The following SUMF1 variants were observed in gnomAD, a reference collection of about 807,000 sequenced individuals.
SUMF1 encodes formylglycine-generating enzyme.
Under a neutral mutation model 47.6 loss-of-function variants are expected in SUMF1, and 48 were observed. The observed-to-expected ratio is 1.01, with a 90% CI of 0.80 to 1.28. The LOEUF (loss-of-function observed/expected upper bound fraction) is 1.28, where lower values mean the gene tolerates loss of function less well. Ranked by LOEUF, SUMF1 falls within the 50% of genes most tolerant of loss-of-function variation. The probability of loss-of-function intolerance (pLI) is 0.00; values close to 1 mark genes in which losing one functional copy is unlikely to be tolerated. For missense variants in SUMF1, 571 were observed against 485.4 expected (o/e 1.18, Z -1.66); for synonymous variants, 230 against 192.1 (o/e 1.20, Z -1.63).
rs951227736 is a variant in SUMF1, at chr3:4,147,913, G to T, written c.1015-79168C>A. Among the ~76,000 whole-genome samples, 3 of 152,114 alleles carry T rather than the reference G, an allele frequency of 2.0e-5. No individual in the cohort carries two copies. The South Asian group carries it at 6.2e-4, about 32-fold the overall frequency. ...AAATATGATGGCTCAGCAGGAATCA[G>T]CTAATGACCCTTTTTTTTCCACCTG... On this transcript the variant is annotated intron_variant and NMD_transcript_variant, in intron 8 of 12. Coordinates refer to the SUMF1 transcript ENST00000448413.
At chr3:4,335,072 A>C (rs1699118460) in intron 8 of SUMF1, among the ~76,000 whole-genome samples, 1 of 152,172 alleles carries the variant, frequency 6.6e-6, no homozygotes, top group Non-Finnish European at 1.5e-5. Context: ...GTCTTTCGGC[A>C]GCTGCAGGGA....
In SUMF1 at chr3:4,224,796, G is replaced by A. The variant is rs1696138379; in HGVS notation, c.1014+151534C>T. Reference sequence around the variant, plus strand: ...AGATGTAAAACCTGAGATAAGAGAGGAAAATGAAAACAATCAGACAAGCAG... The same window carrying A: ...AGATGTAAAACCTGAGATAAGAGAGAAAAATGAAAACAATCAGACAAGCAG... On this transcript the variant is annotated intron_variant and NMD_transcript_variant, in intron 8 of 12. Transcript: ENST00000448413. Among the ~76,000 whole-genome samples, 3 of 152,014 alleles carry A rather than the reference G, an allele frequency of 2.0e-5. No homozygotes were observed. In the South Asian group the frequency reaches 6.2e-4, roughly 31 times the overall value.
At chr3:4,257,678 C>T (rs1377096292) in intron 8 of SUMF1, among the ~76,000 whole-genome samples, 1 of 149,836 alleles carries the variant, frequency 6.7e-6, no homozygotes, top group African/African-American at 2.4e-5. Context: ...TGAAAATGGC[C>T]ATACTGCCCA....
At chr3:4,261,451 G>C (rs1287274269) in intron 8 of SUMF1, among the ~76,000 whole-genome samples, 1 of 152,128 alleles carries the variant, frequency 6.6e-6, no homozygotes, top group Non-Finnish European at 1.5e-5. Flanking sequence ...GTCTAACTGG[G>C]AACTGAATTT....
At chr3:4,460,625 A>T (rs62231421) in intron 1 of SUMF1, among the ~76,000 whole-genome samples, 219 of 128,536 alleles carry the variant, frequency 1.7e-3, no homozygotes, top group Admixed American at 4.9e-3. Context: ...TGTGTGTGTG[A>T]GAGTGTGTGT....
rs572104733 is a variant in SUMF1 at position 4,090,285 on chromosome 3, C to T, written c.1015-21540G>A. ...CTATCTGTGTGGAGCTGACACATTC[C>T]CCCATGTCTGCATGGGTTTTCTCTA... On this transcript the variant is annotated intron_variant and NMD_transcript_variant, in intron 8 of 12. Coordinates refer to the SUMF1 transcript ENST00000448413. Among the ~76,000 whole-genome samples the T allele has an allele frequency of 5.3e-4, 80 of 152,158 alleles. 1 individual carries two copies. The highest frequency in any genetic ancestry group is 1.9e-3 in the African/African-American group (79 of 41,506).
chr3:4,098,115 C>A (rs1692947580), intron 8 of SUMF1, among the ~76,000 whole-genome samples: 1 of 152,104 alleles, frequency 6.6e-6, no homozygotes, highest in Admixed American at 6.6e-5. Context: ...AAAATTGCCT[C>A]ATACTGCTTT....
At chr3:4,161,628 T>C (rs1694579699) in intron 8 of SUMF1, among the ~76,000 whole-genome samples, 1 of 151,872 alleles carries the variant, frequency 6.6e-6, no homozygotes, top group African/African-American at 2.4e-5. Context: ...AATGTTCACT[T>C]AGGGCCCAAC....
intron 1 of SUMF1, among the ~76,000 whole-genome samples, chr3:4,456,648 A>ATG (rs1315366535): frequency 0.015 from 2,085 of 143,554 alleles, 69 homozygotes; most frequent in African/African-American, 0.051. Context: ...GTATATATAT[A>ATG]TATGTGTGTG....
intron 8 of SUMF1, among the ~76,000 whole-genome samples, chr3:4,167,217 G>T (rs1018957061): frequency 3.9e-5 from 6 of 152,096 alleles, no homozygotes; most frequent in Non-Finnish European, 8.8e-5. Flanking sequence ...GATTTATTGT[G>T]AAGAGCGAAA....
chr3:4,192,546 G>T (rs1253425030), intron 8 of SUMF1, among the ~76,000 whole-genome samples: 1 of 151,910 alleles, frequency 6.6e-6, no homozygotes, highest in Non-Finnish European at 1.5e-5. Context: ...ACATACTATT[G>T]TATAATAAAG....
intron 6 of SUMF1, 33 bp downstream of exon 6, chr3:4,417,095 C>T: frequency 1.2e-6 from 2 of 1,601,692 alleles, no homozygotes; most frequent in Non-Finnish European, 1.7e-6. Flanking sequence ...TTCTCAGCAG[C>T]TGCCACCCTC....
At chr3:4,156,762 C>T (rs765013406) in intron 8 of SUMF1, among the ~76,000 whole-genome samples, 2 of 151,638 alleles carry the variant, frequency 1.3e-5, no homozygotes, top group African/African-American at 2.4e-5. Context: ...ATCTATTGCC[C>T]TAATTGCTAG....
chr3:4,146,871 A>C (rs1264611637), intron 8 of SUMF1, among the ~76,000 whole-genome samples: 4 of 152,214 alleles, frequency 2.6e-5, no homozygotes, highest in South Asian at 2.1e-4. Context: ...TGAACTCATC[A>C]TTTTTTATGG....
At chr3:4,045,383 CCCATCCAT>C (rs544862356) in intron 9 of SUMF1, among the ~76,000 whole-genome samples, 2 of 151,390 alleles carry the variant, frequency 1.3e-5, no homozygotes, top group East Asian at 2.0e-4. Flanking sequence ...CAACCATCCA[CCCATCCAT>C]CCATCCATCC....
intron 8 of SUMF1, among the ~76,000 whole-genome samples, chr3:4,344,239 C>T (rs568580980): frequency 2.8e-4 from 42 of 151,984 alleles, no homozygotes; most frequent in African/African-American, 9.2e-4. Context: ...TGTGGTGTGG[C>T]GGCCACCCTG....
At chr3:4,223,052 T>G (rs1024239265) in intron 8 of SUMF1, among the ~76,000 whole-genome samples, 2 of 152,146 alleles carry the variant, frequency 1.3e-5, no homozygotes, top group Non-Finnish European at 2.9e-5. Context: ...GTTTGCATCT[T>G]GCACAAGGAG....
chr3:4,453,470 C>A (rs1275995678), intron 1 of SUMF1, among the ~76,000 whole-genome samples: 1 of 151,772 alleles, frequency 6.6e-6, no homozygotes, highest in Admixed American at 6.6e-5. Context: ...CAGACTCAAG[C>A]GATTCCCCCA....
At chr3:4,458,609 A>G (rs1174941543) in intron 1 of SUMF1, among the ~76,000 whole-genome samples, 1 of 152,222 alleles carries the variant, frequency 6.6e-6, no homozygotes, top group Non-Finnish European at 1.5e-5. Context: ...TAATCCCAGC[A>G]CTTTGGGAGG....
Sources: gnomAD v4.1 joint callset for allele counts (sites outside exome capture counted in the v4.1 genomes callset) on GRCh38, gnomAD v4.1.1 for gene constraint, MANE v1.5 for transcripts, NCBI Gene and HGNC (gene_info 2026-07-23, HGNC 2026-07-21) for gene names.